TM9SF3: variants seen among roughly 807,000 people sequenced by gnomAD.
TM9SF3 encodes SM-11044-binding protein.
In TM9SF3, 14 loss-of-function variants were observed where a neutral mutation model predicts 78.6. The observed-to-expected ratio is 0.18, with a 90% CI of 0.12 to 0.28. The LOEUF is 0.28. Ranked by LOEUF, TM9SF3 falls within the 10% of genes least tolerant of loss-of-function variation. The pLI, the probability that TM9SF3 is intolerant of heterozygous loss-of-function variation, is 1.00. For missense variants in TM9SF3, 496 were observed against 721.9 expected (o/e 0.69, Z 3.59); for synonymous variants, 231 against 241.7 (o/e 0.96, Z 0.41).
chr10:96,542,727 T>C (rs747419448), intron 9 of TM9SF3, among the ~76,000 whole-genome samples: 1 of 151,914 alleles, frequency 6.6e-6, no homozygotes, highest in Non-Finnish European at 1.5e-5. Context: ...ATTATTTCCC[T>C]GTCTGGTGTA....
intron 9 of TM9SF3, 86 bp downstream of exon 9, chr10:96,543,990 T>TTA (rs1328330527): frequency 1.5e-6 from 2 of 1,370,750 alleles, no homozygotes; most frequent in Non-Finnish European, 2.0e-6. Flanking sequence ...TCAAAACATC[T>TTA]AATAAGAAGT....
chr10:96,523,968 C>T (rs1482232469), intron 14 of TM9SF3, among the ~76,000 whole-genome samples: 3 of 151,682 alleles, frequency 2.0e-5, no homozygotes, highest in African/African-American at 7.3e-5. Context: ...ATTTATCTTT[C>T]AGGGAGAGAC....
Position 96,577,586 on chromosome 10 carries a change from A to T in TM9SF3, c.103-757T>A, listed in dbSNP as rs1437333013. 2.6e-5 allele frequency: 4 copies of T among 152,350 alleles called. 1 individual carries two copies. Among genetic ancestry groups the T allele is most frequent in the African/African-American group, 9.6e-5 (4 of 41,574 alleles). 9.4% of individuals were successfully genotyped at this position (152,350 alleles called of 1,614,324 possible). ...TCTCGACAAGTTTAAAGTTCCAATG[A>T]TTCTATGGAAACTGATTACCATGGT... On this transcript the variant is annotated intron_variant, in intron 1 of 14. Transcript: ENST00000371142.
At chr10:96,577,820 CAAT>C (rs1364280056) in intron 1 of TM9SF3, among the ~76,000 whole-genome samples, 1 of 152,012 alleles carries the variant, frequency 6.6e-6, no homozygotes, top group Non-Finnish European at 1.5e-5. Context: ...ATTAAACAAG[CAAT>C]AATAATAAGG....
At chr10:96,568,980 G>A (rs1403597266) in intron 2 of TM9SF3, among the ~76,000 whole-genome samples, 1 of 152,042 alleles carries the variant, frequency 6.6e-6, no homozygotes, top group Non-Finnish European at 1.5e-5. Flanking sequence ...CTGAGCCCAG[G>A]AGTTCGAGAC....
intron 2 of TM9SF3, among the ~76,000 whole-genome samples, chr10:96,574,158 T>C (rs1455974144): frequency 1.3e-5 from 2 of 152,054 alleles, no homozygotes; most frequent in African/African-American, 4.8e-5. Flanking sequence ...GGGAGAAAAT[T>C]TTTGCAATCA....
At chr10:96,552,717 C>A (rs565464563) in intron 6 of TM9SF3, among the ~76,000 whole-genome samples, 46 of 152,126 alleles carry the variant, frequency 3.0e-4, no homozygotes, top group Non-Finnish European at 5.9e-4. Flanking sequence ...GGTGAATGTT[C>A]TTATGTTTTC....
intron 2 of TM9SF3, among the ~76,000 whole-genome samples, chr10:96,566,624 G>A (rs1390477285): frequency 1.3e-5 from 2 of 152,182 alleles, no homozygotes; most frequent in Admixed American, 6.5e-5. Context: ...CTCCCACATA[G>A]ATTTTCTTTC....
At chr10:96,574,140 T>A (rs1361253140) in intron 2 of TM9SF3, among the ~76,000 whole-genome samples, 1 of 152,134 alleles carries the variant, frequency 6.6e-6, no homozygotes, top group Non-Finnish European at 1.5e-5. Flanking sequence ...ACAGGCAACC[T>A]ACAGAATGGG....
At chr10:96,560,757 GCA>G in intron 4 of TM9SF3, 1 of 568,888 alleles carries the variant, frequency 1.8e-6, no homozygotes, top group South Asian at 1.4e-5. Context: ...AGCCAAAAAT[GCA>G]CAAAAGTCAA....
At position 96,562,219 on chromosome 10, in the gene TM9SF3, T is replaced by TTG; in HGVS notation, c.422-82_422-81insCA. The TTG allele has an allele frequency of 1.1e-5, 8 of 720,522 alleles. No individual in the cohort carries two copies. In the South Asian group the frequency reaches 2.1e-4, roughly 19 times the overall value. 44.6% of individuals were successfully genotyped at this position (720,522 alleles called of 1,614,324 possible). A position where few individuals can be genotyped will look rare whatever the true frequency, so the allele number is the denominator to read the frequency against. ...CTACAAGCTAAATGCTCATTAAGTT[T>TTG]TTTTTTTTTTTTTTTTTACCTCCGC... On this transcript the variant is annotated intron_variant, in intron 3 of 14. Transcript: ENST00000371142.
At chr10:96,529,633 C>G (rs893272889) in intron 11 of TM9SF3, among the ~76,000 whole-genome samples, 1 of 145,026 alleles carries the variant, frequency 6.9e-6, no homozygotes, top group Non-Finnish European at 1.5e-5. Context: ...AAAAAAAGAC[C>G]ATGGCTCTAT....
At chr10:96,584,352 G>A (rs926037845) in intron 1 of TM9SF3, among the ~76,000 whole-genome samples, 2 of 152,152 alleles carry the variant, frequency 1.3e-5, no homozygotes, top group South Asian at 4.1e-4. Context: ...TGGCTAAGAG[G>A]AATAGGAATG....
chr10:96,557,032 A>C (rs758787784), intron 5 of TM9SF3, among the ~76,000 whole-genome samples: 13 of 151,940 alleles, frequency 8.6e-5, no homozygotes, highest in African/African-American at 2.4e-4. Flanking sequence ...TGTTCTTCCT[A>C]AACTCTTACT....
chr10:96,536,655 C>T (rs992610244), intron 9 of TM9SF3, among the ~76,000 whole-genome samples: 1 of 152,164 alleles, frequency 6.6e-6, no homozygotes, highest in Non-Finnish European at 1.5e-5. Context: ...GCCTCTGCCA[C>T]CCCTGAGACA....
At chr10:96,580,695 C>T (rs149611448) in intron 1 of TM9SF3, among the ~76,000 whole-genome samples, 1 of 152,252 alleles carries the variant, frequency 6.6e-6, no homozygotes, top group African/African-American at 2.4e-5. Context: ...AGCCTTAACT[C>T]ACCAAACCCT....
chr10:96,563,395 A>G (rs1489747754), intron 3 of TM9SF3, among the ~76,000 whole-genome samples: 1 of 151,116 alleles, frequency 6.6e-6, no homozygotes. Context: ...TTTTTGAGAC[A>G]GAGTCTCGCT....
At chr10:96,536,685 CCTT>C (rs1668560314) in intron 9 of TM9SF3, among the ~76,000 whole-genome samples, 2 of 152,180 alleles carry the variant, frequency 1.3e-5, no homozygotes, top group Non-Finnish European at 2.9e-5. Context: ...AGACACCCCT[CCTT>C]CTTCTTCCTC....
At chr10:96,583,028 C>T (rs576418566) in intron 1 of TM9SF3, among the ~76,000 whole-genome samples, 2 of 146,782 alleles carry the variant, frequency 1.4e-5, no homozygotes, top group African/African-American at 2.5e-5. Flanking sequence ...TGCAGTGAGC[C>T]GAGATCACGC....
Sources: gnomAD v4.1 joint callset for allele counts (sites outside exome capture counted in the v4.1 genomes callset) on GRCh38, gnomAD v4.1.1 for gene constraint, MANE v1.5 for transcripts, NCBI Gene and HGNC (gene_info 2026-07-23, HGNC 2026-07-21) for gene names.